CNTNAP5: variants seen among roughly 807,000 people sequenced by gnomAD.
The protein encoded by CNTNAP5 is contactin associated protein family member 5.
Under a neutral mutation model 150.2 loss-of-function variants are expected in CNTNAP5, and 72 were observed. That is an observed-to-expected ratio of 0.48 (90% confidence interval 0.40 to 0.58). The LOEUF (loss-of-function observed/expected upper bound fraction) is 0.58. Ranked by LOEUF, CNTNAP5 falls within the 20% of genes least tolerant of loss-of-function variation. The pLI, the probability that CNTNAP5 is intolerant of heterozygous loss-of-function variation, is 0.00. For synonymous variants in CNTNAP5, 672 were observed against 619.8 expected, an observed-to-expected ratio of 1.08 and a Z score of -1.25; for missense variants, 1,636 against 1,626.2, an observed-to-expected ratio of 1.01 and a Z score of -0.10.
intron 19 of CNTNAP5, among the ~76,000 whole-genome samples, chr2:124,810,748 C>A (rs952471133): frequency 1.3e-5 from 2 of 152,060 alleles, no homozygotes; most frequent in Non-Finnish European, 2.9e-5. Context: ...AAAAACCAGT[C>A]TGGGTCAATG....
intron 3 of CNTNAP5, among the ~76,000 whole-genome samples, chr2:124,406,164 C>T (rs112323570): frequency 4.8e-4 from 73 of 152,178 alleles, no homozygotes; most frequent in African/African-American, 1.7e-3. Flanking sequence ...TTATTGATTC[C>T]TAATTTAATT....
intron 13 of CNTNAP5, among the ~76,000 whole-genome samples, chr2:124,654,794 C>A (rs1016877105): frequency 6.6e-6 from 1 of 151,978 alleles, no homozygotes; most frequent in Non-Finnish European, 1.5e-5. Context: ...CAGACACACG[C>A]CTAAACATAC....
In CNTNAP5 at chr2:124,624,286, C is replaced by T. The variant is rs114115027; in HGVS notation, c.1876+14366C>T. On this transcript the variant is annotated intron_variant, in intron 12 of 23. Coordinates refer to ENST00000682447, the MANE Select transcript of CNTNAP5 (RefSeq NM_001367498.1). ...CTTAGAGAAATTCCTTTCACATACC[C>T]GTTTTAGCACGGCCAGTTGACTCCA... Among the ~76,000 whole-genome samples the T allele has an allele frequency of 9.3e-3, 1,410 of 152,300 alleles. 12 individuals are homozygous for T. Among genetic ancestry groups the T allele is most frequent in the Non-Finnish European group, 0.015 (1,037 of 68,030 alleles).
At chr2:124,164,478 A>G (rs1451145816) in intron 1 of CNTNAP5, among the ~76,000 whole-genome samples, 1 of 152,212 alleles carries the variant, frequency 6.6e-6, no homozygotes, top group Admixed American at 6.5e-5. Context: ...ATATGTATAT[A>G]TACTTTTCTT....
chr2:124,260,911 A>G (rs1317387290), intron 3 of CNTNAP5, among the ~76,000 whole-genome samples: 1 of 152,194 alleles, frequency 6.6e-6, no homozygotes, highest in Non-Finnish European at 1.5e-5. Flanking sequence ...CAATTGTCAC[A>G]TCTTAATTTT....
intron 3 of CNTNAP5, among the ~76,000 whole-genome samples, chr2:124,351,215 T>A (rs1315693860): frequency 6.6e-6 from 1 of 152,196 alleles, no homozygotes; most frequent in African/African-American, 2.4e-5. Context: ...TTCTTTGCAT[T>A]CTTTAACACT....
intron 13 of CNTNAP5, among the ~76,000 whole-genome samples, chr2:124,742,854 AG>A (rs1367893540): frequency 6.6e-6 from 1 of 152,062 alleles, no homozygotes; most frequent in Admixed American, 6.6e-5. Context: ...GTCTCCCATC[AG>A]GTCCCAGTCC....
rs79044949 is a variant in CNTNAP5, at chr2:124,052,472, G to C, written c.82+26740G>C. ...TTTACGTTATTCCCTCTCAACCAAGGGTCCCAGGATTTAAAGCAGAGAGGA... is the reference window on the plus strand; with the variant it reads ...TTTACGTTATTCCCTCTCAACCAAGCGTCCCAGGATTTAAAGCAGAGAGGA... On this transcript the variant is annotated intron_variant, in intron 1 of 23. Coordinates refer to ENST00000682447, the MANE Select transcript of CNTNAP5 (RefSeq NM_001367498.1). Among the ~76,000 whole-genome samples the C allele has an allele frequency of 2.1e-4, 32 of 152,290 alleles. No individual in the cohort carries two copies. In the East Asian group the frequency reaches 3.7e-3, roughly 17 times the overall value.
intron 1 of CNTNAP5, among the ~76,000 whole-genome samples, chr2:124,036,727 T>C (rs1681231635): frequency 6.6e-6 from 1 of 152,174 alleles, no homozygotes; most frequent in Non-Finnish European, 1.5e-5. Context: ...GGTTGGTACT[T>C]GGTAAGATTT....
At chr2:124,152,677 C>T (rs1684434590) in intron 1 of CNTNAP5, among the ~76,000 whole-genome samples, 1 of 152,056 alleles carries the variant, frequency 6.6e-6, no homozygotes, top group Admixed American at 6.6e-5. Context: ...ATGAGGAGGG[C>T]ATTCCAAGCA....
intron 10 of CNTNAP5, among the ~76,000 whole-genome samples, chr2:124,556,366 G>C (rs553759467): frequency 1.3e-5 from 2 of 152,140 alleles, no homozygotes; most frequent in East Asian, 3.9e-4. Context: ...CTTGGCCAGG[G>C]AAAAGCCTTA....
intron 4 of CNTNAP5, 42 bp from the exon 5 acceptor site, chr2:124,434,442 A>G (rs1022537734): frequency 7.1e-7 from 1 of 1,408,596 alleles, no homozygotes; most frequent in Non-Finnish European, 1.0e-6. Context: ...AGTCATGAGA[A>G]TATGCACTAA....
chr2:124,696,204 A>C (rs1259946693), intron 13 of CNTNAP5, among the ~76,000 whole-genome samples: 1 of 152,146 alleles, frequency 6.6e-6, no homozygotes, highest in East Asian at 1.9e-4. Flanking sequence ...ATGTTACTGG[A>C]GTGAAGTTTG....
intron 1 of CNTNAP5, among the ~76,000 whole-genome samples, chr2:124,032,963 A>G (rs963914252): frequency 2.6e-5 from 4 of 152,206 alleles, no homozygotes; most frequent in Admixed American, 6.5e-5. Context: ...TTAAACCTCA[A>G]CATCCCAGTT....
chr2:124,910,658 C>T (rs1427246375), intron 22 of CNTNAP5, among the ~76,000 whole-genome samples: 1 of 151,890 alleles, frequency 6.6e-6, no homozygotes, highest in African/African-American at 2.4e-5. Context: ...AGGACTTGGA[C>T]ATGTTATTTG....
rs960723256 is a variant in CNTNAP5, at chr2:124,504,718, T to A, written c.1327+162T>A. 6.5e-4 allele frequency among the ~76,000 whole-genome samples: 97 copies of A among 149,416 alleles called. 1 individual carries two copies. The Middle Eastern group carries it at 0.014, about 21-fold the overall frequency. ...AAGAGGCAGCATTTTTTTTTTTTTTTTTTTTTTTGAAGATGGAGTCTTGCT... is the reference window on the plus strand; with the variant it reads ...AAGAGGCAGCATTTTTTTTTTTTTTATTTTTTTTGAAGATGGAGTCTTGCT... On this transcript the variant is annotated intron_variant, in intron 8 of 23. Transcript: ENST00000682447.
intron 8 of CNTNAP5, among the ~76,000 whole-genome samples, chr2:124,513,826 T>C (rs1349305724): frequency 6.6e-6 from 1 of 152,160 alleles, no homozygotes; most frequent in African/African-American, 2.4e-5. Flanking sequence ...GTGCTCACTC[T>C]GTGGAATGCT....
intron 3 of CNTNAP5, among the ~76,000 whole-genome samples, chr2:124,262,715 A>G (rs1185234771): frequency 6.6e-6 from 1 of 151,508 alleles, no homozygotes; most frequent in African/African-American, 2.4e-5. Context: ...TTTGTTACAT[A>G]TGTATATATG....
intron 13 of CNTNAP5, among the ~76,000 whole-genome samples, chr2:124,675,244 C>T (rs1199597609): frequency 1.3e-5 from 2 of 152,040 alleles, no homozygotes; most frequent in African/African-American, 4.8e-5. Flanking sequence ...TTTATTTTCT[C>T]CAACATTATT....
Sources: allele counts gnomAD v4.1 joint callset (sites outside exome capture counted in the v4.1 genomes callset), GRCh38; gene constraint gnomAD v4.1.1; transcripts MANE v1.5; gene names NCBI Gene and HGNC (gene_info 2026-07-23, HGNC 2026-07-21).